The following DOK6 variants were observed in gnomAD, a reference collection of about 807,000 sequenced individuals.
DOK6 encodes the protein docking protein 6.
Under a neutral mutation model 44.0 loss-of-function variants are expected in DOK6, and 22 were observed. That is an observed-to-expected ratio of 0.50 (90% CI 0.36 to 0.71). The LOEUF (loss-of-function observed/expected upper bound fraction) is 0.71. DOK6 is among the 30% of genes least tolerant of loss of function. DOK6 has a pLI of 0.00. For synonymous variants in DOK6, 166 were observed against 145.5 expected, an observed-to-expected ratio of 1.14 and a Z score of -1.01; for missense variants, 340 against 416.4, an observed-to-expected ratio of 0.82 and a Z score of 1.60.
chr18:69,634,125 A>G (rs1984751348), intron 3 of DOK6, among the ~76,000 whole-genome samples: 1 of 152,154 alleles, frequency 6.6e-6, no homozygotes, highest in African/African-American at 2.4e-5. Flanking sequence ...TAGTCCAAAC[A>G]TAAAATCTCT....
chr18:69,430,669 T>C (rs1417533496), intron 1 of DOK6, among the ~76,000 whole-genome samples: 1 of 152,120 alleles, frequency 6.6e-6, no homozygotes, highest in Non-Finnish European at 1.5e-5. Context: ...TTTTTCCCGC[T>C]TGAAAATAGA....
intron 7 of DOK6, among the ~76,000 whole-genome samples, chr18:69,834,852 T>C (rs1981998196): frequency 6.6e-6 from 1 of 152,152 alleles, no homozygotes; most frequent in Non-Finnish European, 1.5e-5. Flanking sequence ...ACTGGGTAAG[T>C]TATAGAGAGA....
At chr18:69,442,916 T>C (rs190016324) in intron 1 of DOK6, among the ~76,000 whole-genome samples, 1 of 152,356 alleles carries the variant, frequency 6.6e-6, no homozygotes, top group East Asian at 1.9e-4. Context: ...CACTGCATAC[T>C]AATAGCACAA....
rs1009602690 is a variant in DOK6 at position 69,435,049 on chromosome 18, A to C, written c.66+33739A>C. Among the ~76,000 whole-genome samples, 1,193 of 141,366 alleles carry C rather than the reference A, an allele frequency of 8.4e-3. 15 individuals are homozygous for C. The highest frequency in any genetic ancestry group is 0.015 in the African/African-American group (568 of 37,446). 92.7% of individuals were successfully genotyped at this position (141,366 alleles called of 152,430 possible). On this transcript the variant is annotated intron_variant, in intron 1 of 7. Coordinates refer to ENST00000382713, the MANE Select transcript of DOK6 (RefSeq NM_152721.6). ...AGGGAAGGAAGGAAGGAAGGAAGGA[A>C]GGAAGGAAGGAAGGAAGGAAGGAAG...
chr18:69,777,147 A>T (rs2144772030), intron 7 of DOK6, among the ~76,000 whole-genome samples: 1 of 152,112 alleles, frequency 6.6e-6, no homozygotes, highest in African/African-American at 2.4e-5. Flanking sequence ...TATAATAAAA[A>T]AAAAAAAGAC....
intron 3 of DOK6, among the ~76,000 whole-genome samples, chr18:69,647,041 CCTGT>C (rs1256736170): frequency 1.4e-4 from 17 of 120,114 alleles, no homozygotes; most frequent in African/African-American, 4.6e-4. Context: ...ATCTGTCTAT[CCTGT>C]CTATCTGTCT....
intron 7 of DOK6, among the ~76,000 whole-genome samples, chr18:69,822,647 CGT>C (rs1164483251): frequency 1.3e-5 from 2 of 152,132 alleles, no homozygotes; most frequent in African/African-American, 4.8e-5. Flanking sequence ...CCTTTGCAGG[CGT>C]ATGTTTCTTG....
chr18:69,519,323 T>G (rs1193750068), intron 1 of DOK6, among the ~76,000 whole-genome samples: 1 of 151,882 alleles, frequency 6.6e-6, no homozygotes, highest in African/African-American at 2.4e-5. Flanking sequence ...CAAACCTCAG[T>G]AACCAAATTA....
At chr18:69,750,041 TTTTATATATA>T (rs1468114400) in intron 6 of DOK6, among the ~76,000 whole-genome samples, 1 of 147,704 alleles carries the variant, frequency 6.8e-6, no homozygotes, top group Non-Finnish European at 1.5e-5. Flanking sequence ...GGAAAAGGCA[TTTTATATATA>T]TATATATTAT....
At chr18:69,476,762 A>C (rs976395317) in intron 1 of DOK6, among the ~76,000 whole-genome samples, 4 of 152,160 alleles carry the variant, frequency 2.6e-5, no homozygotes, top group Non-Finnish European at 5.9e-5. Context: ...GCGTGAGAGA[A>C]TAAGCAGCAC....
At chr18:69,443,254 A>C (rs1979185846) in intron 1 of DOK6, among the ~76,000 whole-genome samples, 1 of 152,144 alleles carries the variant, frequency 6.6e-6, no homozygotes. Context: ...ACATTTGACT[A>C]CCTGATGAAG....
At chr18:69,619,192 A>C (rs1008358189) in intron 3 of DOK6, among the ~76,000 whole-genome samples, 5 of 152,216 alleles carry the variant, frequency 3.3e-5, no homozygotes, top group African/African-American at 9.6e-5. Context: ...CGTGGAACGC[A>C]ATACTCATGC....
At chr18:69,608,960 A>AAAAC (rs1186885193) in intron 3 of DOK6, among the ~76,000 whole-genome samples, 1 of 151,708 alleles carries the variant, frequency 6.6e-6, no homozygotes, top group Non-Finnish European at 1.5e-5. Flanking sequence ...AAAAAAAAAA[A>AAAAC]AAAACTTTCA....
At chr18:69,633,769 C>T (rs1984741718) in intron 3 of DOK6, among the ~76,000 whole-genome samples, 1 of 152,048 alleles carries the variant, frequency 6.6e-6, no homozygotes, top group Admixed American at 6.6e-5. Flanking sequence ...AAAATATATG[C>T]TTAGTGGAGA....
At chr18:69,449,195 G>A (rs1229011491) in intron 1 of DOK6, among the ~76,000 whole-genome samples, 3 of 152,138 alleles carry the variant, frequency 2.0e-5, no homozygotes, top group African/African-American at 7.2e-5. Context: ...CTAAAAAGTT[G>A]GGTGCAAGAT....
chr18:69,633,254 T>C (rs1305840724), intron 3 of DOK6, among the ~76,000 whole-genome samples: 5 of 152,212 alleles, frequency 3.3e-5, no homozygotes, highest in African/African-American at 4.8e-5. Context: ...TTCACAATAA[T>C]CAGATGCAGC....
At chr18:69,779,786 G>A (rs1381309122) in intron 7 of DOK6, among the ~76,000 whole-genome samples, 1 of 151,574 alleles carries the variant, frequency 6.6e-6, no homozygotes, top group African/African-American at 2.4e-5. Flanking sequence ...TTCATATGCA[G>A]GGGACTTGTA....
chr18:69,441,459 C>T (rs929356683), intron 1 of DOK6, among the ~76,000 whole-genome samples: 1 of 152,052 alleles, frequency 6.6e-6, no homozygotes, highest in Non-Finnish European at 1.5e-5. Flanking sequence ...AAACTTTGTA[C>T]ATAACATCTG....
chr18:69,742,441 G>T (rs1389730906), intron 6 of DOK6, among the ~76,000 whole-genome samples: 1 of 146,728 alleles, frequency 6.8e-6, no homozygotes, highest in Admixed American at 6.8e-5. Flanking sequence ...AAAAGAAAAA[G>T]AAAAATTTAT....
Sources: gnomAD v4.1 joint callset for allele counts (sites outside exome capture counted in the v4.1 genomes callset) on GRCh38, gnomAD v4.1.1 for gene constraint, MANE v1.5 for transcripts, NCBI Gene and HGNC (gene_info 2026-07-23, HGNC 2026-07-21) for gene names.